Variants in SECTM1 observed in about 807,000 individuals in gnomAD.
SECTM1 encodes the protein secreted and transmembrane 1, also known as secreted and transmembrane protein 1.
In SECTM1, 10 loss-of-function variants were observed where a neutral mutation model predicts 18.1. The ratio of observed to expected loss-of-function variants is 0.55; its 90% confidence interval spans 0.34 to 0.94. The LOEUF (loss-of-function observed/expected upper bound fraction) is 0.94. SECTM1 is among the 40% of genes least tolerant of loss of function. SECTM1 has a pLI of 0.02. For synonymous variants in SECTM1, 137 were observed against 139.2 expected (o/e 0.98, Z 0.11); for missense variants, 297 against 322.6 (o/e 0.92, Z 0.61).
In SECTM1 at chr17:82,329,309, T is replaced by TGGGGACACTGTCACTGCTG. The variant is rs1315184269; in HGVS notation, c.-52-2036_-52-2018dup. 6.6e-6 allele frequency: 1 copy of TGGGGACACTGTCACTGCTG among 151,802 alleles called. No homozygotes were observed. Among genetic ancestry groups the TGGGGACACTGTCACTGCTG allele is most frequent in the Non-Finnish European group, 1.5e-5 (1 of 68,012 alleles). The allele number at this position is 151,802 out of a possible 1,614,324, so 9.4% of individuals were successfully genotyped here. On this transcript the variant is annotated intron_variant, in intron 1 of 4. Transcript: ENST00000269389. This position sits in a 1 kb window ranked among gnomAD's most constrained non-coding sequence, Gnocchi z 7.6. ...CCCTGCCAGCCGCAGAGTGCAGGTG[T>TGGGGACACTGTCACTGCTG]GGGGACACTGTCACTGCTGGGAGGC...
intron 3 of SECTM1, among the ~76,000 whole-genome samples, chr17:82,323,923 A>G (rs1216203533): frequency 7.1e-6 from 1 of 140,986 alleles, no homozygotes; most frequent in Non-Finnish European, 1.5e-5. Context: ...TGAAGACAGG[A>G]GTGGCGAGGG....
intron 1 of SECTM1, among the ~76,000 whole-genome samples, chr17:82,327,524 G>C (rs751088239): frequency 5.9e-5 from 9 of 152,196 alleles, no homozygotes; most frequent in Admixed American, 5.9e-4. Flanking sequence ...AGAGTTGCCC[G>C]CAGCACAGCG....
Position 82,331,159 on chromosome 17 carries a change from C to T in SECTM1, c.-53+2541G>A, listed in dbSNP as rs142655087. Among the ~76,000 whole-genome samples, 502 of 152,186 alleles carry T rather than the reference C, an allele frequency of 3.3e-3. 10 individuals carry two copies. Among genetic ancestry groups the T allele is most frequent in the Non-Finnish European group, 4.2e-3 (284 of 67,986 alleles). ...GGTGCCCTTCCTGTCGGTCCACACC[C>T]GGCAAGTGGCGGGAAAGGTGTGGAA... is the stretch of plus-strand genomic sequence containing the variant. On this transcript the variant is annotated intron_variant, in intron 1 of 4. Coordinates refer to ENST00000269389, the MANE Select transcript of SECTM1 (RefSeq NM_003004.3).
intron 1 of SECTM1, among the ~76,000 whole-genome samples, chr17:82,331,767 G>A (rs78295300): frequency 0.038 from 5,734 of 152,326 alleles, 125 homozygotes; most frequent in Non-Finnish European, 0.043. Flanking sequence ...GTGACTGGCC[G>A]GGCAGCTCCG....
At chr17:82,327,883 C>T (rs2052159802) in intron 1 of SECTM1, among the ~76,000 whole-genome samples, 3 of 151,730 alleles carry the variant, frequency 2.0e-5, no homozygotes, top group Admixed American at 2.0e-4. Flanking sequence ...GGGTCCGACT[C>T]CCCCAGCCAA....
Position 82,322,077 on chromosome 17 carries a change from G to C in SECTM1, c.*84C>G. ...AAGCAAGCCGGTGTCTGTGCCCTCCGGGTGGGACGAGAGACCCAGGCCCCG... is the reference window on the plus strand; with the variant it reads ...AAGCAAGCCGGTGTCTGTGCCCTCCCGGTGGGACGAGAGACCCAGGCCCCG... On this transcript the variant is annotated 3_prime_UTR_variant, in exon 5 of 5. Transcript: ENST00000269389. 7.3e-7 allele frequency: 1 copy of C among 1,371,020 alleles called. No individual in the cohort carries two copies. The highest frequency in any genetic ancestry group is 1.0e-6 in the Non-Finnish European group (1 of 969,480). The allele number at this position is 1,371,020 out of a possible 1,614,324, so 84.9% of individuals were successfully genotyped here. A position where few individuals can be genotyped will look rare whatever the true frequency, so the allele number is the denominator to read the frequency against.
Position 82,324,907 on chromosome 17 carries a change from A to G in SECTM1, c.95-17T>C, listed in dbSNP as rs1285026861. On this transcript the variant is annotated splice_polypyrimidine_tract_variant and intron_variant, in intron 2 of 4. Transcript: ENST00000269389. Reference sequence around the variant, plus strand: ...TGTCCCAGCCTGTAGGGCCAGACAGAGGCACACACGGATCAGGGCTGGACC... The same window carrying G: ...TGTCCCAGCCTGTAGGGCCAGACAGGGGCACACACGGATCAGGGCTGGACC... 1 of 1,600,110 alleles carries G rather than the reference A, an allele frequency of 6.2e-7. No homozygotes were observed.
chr17:82,333,604 TCAGCACCGAGTCCCCAGCACCGAGTCCC>T lies in SECTM1; in HGVS notation c.-53+68_-53+95del, dbSNP rs1171883449. The T allele has an allele frequency of 4.2e-3, 484 of 114,414 alleles. 9 individuals carry two copies. Among genetic ancestry groups the T allele is most frequent in the Non-Finnish European group, 4.9e-3 (279 of 57,370 alleles). The allele number at this position is 114,414 out of a possible 1,614,324, so 7.1% of individuals were successfully genotyped here. A position where few individuals can be genotyped will look rare whatever the true frequency, so the allele number is the denominator to read the frequency against. ...GCACCGAGTCCCCAGCACCGGGCCC[TCAGCACCGAGTCCCCAGCACCGAGTCCC>T]CAGCACCGAGTCCCCAGCACCGAGC... On this transcript the variant is annotated intron_variant, in intron 1 of 4. Transcript: ENST00000269389.
chr17:82,326,331 GGCTCAC>G lies in SECTM1; in HGVS notation c.94+810_94+815del, dbSNP rs1267234600. ...TTAAAAGCCCCTCGGGTGGCTCAGT[GGCTCAC>G]GCCTGTAATCCCAGCACTTTGGGAG... On this transcript the variant is annotated intron_variant, in intron 2 of 4. Coordinates refer to ENST00000269389, the MANE Select transcript of SECTM1 (RefSeq NM_003004.3). The surrounding 1 kb of genome is among the most constrained non-coding windows in gnomAD (Gnocchi z 4.3). 3.9e-5 allele frequency among the ~76,000 whole-genome samples: 6 copies of G among 152,134 alleles called. No individual in the cohort carries two copies. Among genetic ancestry groups the G allele is most frequent in the Non-Finnish European group, 5.9e-5 (4 of 68,026 alleles).
chr17:82,322,124 G>T lies in SECTM1; in HGVS notation c.*37C>A. On this transcript the variant is annotated 3_prime_UTR_variant, in exon 5 of 5. Coordinates refer to ENST00000269389, the MANE Select transcript of SECTM1 (RefSeq NM_003004.3). ...CCCGCCACCCAAGGTCGGCACTCAG[G>T]GCTGGCTCTCCTGTGTCCTCTCTGC... 1 of 1,607,296 alleles carries T rather than the reference G, an allele frequency of 6.2e-7. No individual in the cohort carries two copies. The highest frequency in any genetic ancestry group is 2.2e-5 in the East Asian group (1 of 44,836).
chr17:82,326,723 C>T lies in SECTM1; in HGVS notation c.94+424G>A, dbSNP rs912866554. On this transcript the variant is annotated intron_variant, in intron 2 of 4. Coordinates refer to ENST00000269389, the MANE Select transcript of SECTM1 (RefSeq NM_003004.3). The surrounding 1 kb of genome is among the most constrained non-coding windows in gnomAD (Gnocchi z 4.3). Reference sequence around the variant, plus strand: ...GGGACCCTGTTCAAATGCAGATCCACTCCTGGCAGGCCTGAGGTGCGCCTG... The same window carrying T: ...GGGACCCTGTTCAAATGCAGATCCATTCCTGGCAGGCCTGAGGTGCGCCTG... Among the ~76,000 whole-genome samples the T allele has an allele frequency of 1.3e-5, 2 of 152,182 alleles. No individual in the cohort carries two copies. Among genetic ancestry groups the T allele is most frequent in the African/African-American group, 2.4e-5 (1 of 41,436 alleles).
chr17:82,325,090 CTGTG>C lies in SECTM1; in HGVS notation c.95-204_95-201del, dbSNP rs574005214. 3.3e-5 allele frequency among the ~76,000 whole-genome samples: 5 copies of C among 152,234 alleles called. No individual in the cohort carries two copies. Among genetic ancestry groups the C allele is most frequent in the Admixed American group, 2.0e-4 (3 of 15,294 alleles). On this transcript the variant is annotated intron_variant, in intron 2 of 4. Coordinates refer to ENST00000269389, the MANE Select transcript of SECTM1 (RefSeq NM_003004.3). This position sits in a 1 kb window ranked among gnomAD's most constrained non-coding sequence, Gnocchi z 7.6. ...ATAGCAACAAAAAAGACGGGTGGCT[CTGTG>C]TGTGTGTATGTGTGTGTGTGTGCGT...
rs750601656 is a variant in SECTM1 at position 82,327,207 on chromosome 17, C to T, written c.34G>A (p.Val12Ile). 24 of 1,612,110 alleles carry T rather than the reference C, an allele frequency of 1.5e-5. No homozygotes were observed. Among genetic ancestry groups the T allele is most frequent in the African/African-American group, 2.7e-5 (2 of 74,894 alleles). ...AGGAGGGTCCCAAGGGCCTGGGAAACGTGGCCAGGGAATGCCAGGGGGCAG... is the reference window on the plus strand; with the variant it reads ...AGGAGGGTCCCAAGGGCCTGGGAAATGTGGCCAGGGAATGCCAGGGGGCAG... ...QTCPLAFPGH[V>I]SQALGTLLFL... Residue 12 changes from valine to isoleucine, a missense_variant, in exon 2 of 5, where the codon GTT (valine) becomes ATT (isoleucine). Coordinates refer to ENST00000269389, the MANE Select transcript of SECTM1 (RefSeq NM_003004.3).
In SECTM1 at chr17:82,321,141, G is replaced by A. The variant is rs543281572; in HGVS notation, c.*1020C>T. 1 of 152,326 alleles carries A rather than the reference G, an allele frequency of 6.6e-6. No homozygotes were observed. Among genetic ancestry groups the A allele is most frequent in the Non-Finnish European group, 1.5e-5 (1 of 68,034 alleles). 9.4% of individuals were successfully genotyped at this position (152,326 alleles called of 1,614,324 possible). A position where few individuals can be genotyped will look rare whatever the true frequency, so the allele number is the denominator to read the frequency against. On this transcript the variant is annotated 3_prime_UTR_variant, in exon 5 of 5. Coordinates refer to ENST00000269389, the MANE Select transcript of SECTM1 (RefSeq NM_003004.3). ...CGGCTGTGCGAGGCCTCGGTCACCGGGCGCCGCCGCGTCCCTGCGGGGTCT... is the reference window on the plus strand; with the variant it reads ...CGGCTGTGCGAGGCCTCGGTCACCGAGCGCCGCCGCGTCCCTGCGGGGTCT...
At chr17:82,323,254 T>G in intron 3 of SECTM1, 1 of 518,868 alleles carries the variant, frequency 1.9e-6, no homozygotes, top group Non-Finnish European at 3.5e-6. Context: ...GGGAAACATC[T>G]ACCCCTGGAT....
rs115549866 is a variant in SECTM1 at position 82,331,632 on chromosome 17, T to G, written c.-53+2068A>C. Among the ~76,000 whole-genome samples the G allele has an allele frequency of 8.2e-3, 1,249 of 152,368 alleles. 19 individuals are homozygous for G. Among genetic ancestry groups the G allele is most frequent in the African/African-American group, 0.028 (1,160 of 41,590 alleles). On this transcript the variant is annotated intron_variant, in intron 1 of 4. Coordinates refer to ENST00000269389, the MANE Select transcript of SECTM1 (RefSeq NM_003004.3). ...AGCTCTGCCACTCTGCCCGTCTGCCTGAGTCCTCTCCTGCCATCCTCCTGA... is the reference window on the plus strand; with the variant it reads ...AGCTCTGCCACTCTGCCCGTCTGCCGGAGTCCTCTCCTGCCATCCTCCTGA...
At chr17:82,324,558 T>A in intron 3 of SECTM1, 24 bp downstream of exon 3, 13 of 463,504 alleles carry the variant, frequency 2.8e-5, no homozygotes, top group African/African-American at 6.0e-5. Context: ...CCCCTCCCCC[T>A]TGCTTCCCCG....
At position 82,327,640 on chromosome 17, in the gene SECTM1, G is replaced by A. The variant is rs80239757; in HGVS notation, c.-52-348C>T. ...GAAATGGGTCAGGACAGGTGGAATC[G>A]TTGGTAGCCGTGTCTGACCTAACAC... On this transcript the variant is annotated intron_variant, in intron 1 of 4. Coordinates refer to ENST00000269389, the MANE Select transcript of SECTM1 (RefSeq NM_003004.3). 4.8e-3 allele frequency among the ~76,000 whole-genome samples: 737 copies of A among 152,278 alleles called. 18 individuals carry two copies. Among genetic ancestry groups the A allele is most frequent in the East Asian group, 0.045 (234 of 5,188 alleles).
At chr17:82,322,611 C>T (rs1307114890) in intron 4 of SECTM1, among the ~76,000 whole-genome samples, 2 of 152,298 alleles carry the variant, frequency 1.3e-5, no homozygotes, top group Admixed American at 6.5e-5. Context: ...ATGGAGACCA[C>T]GCACCCTGCC....
Sources: gnomAD v4.1 joint callset for allele counts (sites outside exome capture counted in the v4.1 genomes callset) on GRCh38, gnomAD v4.1.1 for gene constraint, Gnocchi (gnomAD v3.1) non-coding constraint, MANE v1.5 for transcripts, NCBI Gene and HGNC (gene_info 2026-07-23, HGNC 2026-07-21) for gene names.